The following TSTD2 variants were observed in gnomAD, a reference collection of about 807,000 sequenced individuals.
TSTD2 encodes the protein thiosulfate sulfurtransferase/rhodanese-like domain-containing protein 2.
Under a neutral mutation model 47.9 loss-of-function variants are expected in TSTD2, and 37 were observed. The ratio of observed to expected loss-of-function variants is 0.77; its 90% CI spans 0.59 to 1.02. The LOEUF (loss-of-function observed/expected upper bound fraction) is 1.02, where lower values mean the gene tolerates loss of function less well. Ranked by LOEUF, TSTD2 falls within the 50% of genes least tolerant of loss-of-function variation. The pLI is 0.00. For missense variants in TSTD2, 586 were observed against 616.0 expected, an observed-to-expected ratio of 0.95 and a Z score of 0.52; for synonymous variants, 201 against 215.9, an observed-to-expected ratio of 0.93 and a Z score of 0.61.
At chr9:97,604,332 T>A (rs1826328075) in intron 9 of TSTD2, 1 of 160,736 alleles carries the variant, frequency 6.2e-6, no homozygotes, top group Non-Finnish European at 1.4e-5. Flanking sequence ...TAGTGAGGTG[T>A]TATTGAAAAC....
At chr9:97,622,250 T>A (rs944131939) in intron 3 of TSTD2, among the ~76,000 whole-genome samples, 4 of 152,142 alleles carry the variant, frequency 2.6e-5, no homozygotes, top group Non-Finnish European at 5.9e-5. Flanking sequence ...AAGGGGCCAA[T>A]GTAGAATTCA....
rs1446884901 is a variant in TSTD2, at chr9:97,631,789, A to G, written c.-51+1454T>C. 3.3e-5 allele frequency among the ~76,000 whole-genome samples: 5 copies of G among 152,100 alleles called. No homozygotes were observed. In the East Asian group the frequency reaches 9.6e-4, roughly 29 times the overall value. On this transcript the variant is annotated intron_variant, in intron 1 of 9. Coordinates refer to ENST00000341170, the MANE Select transcript of TSTD2 (RefSeq NM_139246.5). ...AACCTAAAAGGCAGAGGTTACAACGAGCCAAGACCGTGCCACTGCACTCCA... is the reference window on the plus strand; with the variant it reads ...AACCTAAAAGGCAGAGGTTACAACGGGCCAAGACCGTGCCACTGCACTCCA...
At chr9:97,603,953 A>C (rs1351973768) in intron 9 of TSTD2, 1 of 152,250 alleles carries the variant, frequency 6.6e-6, no homozygotes, top group Non-Finnish European at 1.5e-5. Flanking sequence ...GGCCTCCAAA[A>C]GTGATGGGAT....
At chr9:97,624,208 A>T (rs2131316338) in intron 3 of TSTD2, among the ~76,000 whole-genome samples, 1 of 152,308 alleles carries the variant, frequency 6.6e-6, no homozygotes, top group Middle Eastern at 3.4e-3. Context: ...ATCAATAAAA[A>T]GTGATGGTAT....
chr9:97,600,686 T>C lies in TSTD2; in HGVS notation c.*1783A>G, dbSNP rs964917421. Reference sequence around the variant, plus strand: ...AATTGCTGCTGACCTTACGCCTGTATATTAAGCCTCCGCAGGATGCCGGAC... The same window carrying C: ...AATTGCTGCTGACCTTACGCCTGTACATTAAGCCTCCGCAGGATGCCGGAC... On this transcript the variant is annotated 3_prime_UTR_variant, in exon 10 of 10. Coordinates refer to ENST00000341170, the MANE Select transcript of TSTD2 (RefSeq NM_139246.5). The C allele has an allele frequency of 3.0e-6, 3 of 1,001,646 alleles. No homozygotes were observed. The highest frequency in any genetic ancestry group is 1.7e-5 in the African/African-American group (1 of 57,474). The allele number at this position is 1,001,646 out of a possible 1,614,324, so 62.0% of individuals were successfully genotyped here.
At chr9:97,632,562 T>TC (rs60761320) in intron 1 of TSTD2, among the ~76,000 whole-genome samples, 16 of 151,360 alleles carry the variant, frequency 1.1e-4, no homozygotes, top group Non-Finnish European at 1.9e-4. Flanking sequence ...TTTTTTTTTT[T>TC]CCTGTAAAGA....
At chr9:97,613,045 CCA>C (rs1299206315) in intron 4 of TSTD2, among the ~76,000 whole-genome samples, 1 of 152,204 alleles carries the variant, frequency 6.6e-6, no homozygotes, top group Non-Finnish European at 1.5e-5. Flanking sequence ...ACAGAGTCCT[CCA>C]CAGAGGTCAG....
intron 1 of TSTD2, among the ~76,000 whole-genome samples, 163 bp from the exon 2 acceptor site, chr9:97,627,775 A>G (rs1183158805): frequency 1.3e-5 from 2 of 152,266 alleles, no homozygotes; most frequent in African/African-American, 4.8e-5. Flanking sequence ...CTCGAAGTCA[A>G]GCACTATTCT....
At chr9:97,610,948 C>CA in intron 5 of TSTD2, 1 of 152,602 alleles carries the variant, frequency 6.6e-6, no homozygotes, top group East Asian at 1.9e-4. Context: ...GGCTGGTGGT[C>CA]TCTCAAGTGA....
At chr9:97,610,951 TC>T in intron 5 of TSTD2, 1 of 152,698 alleles carries the variant, frequency 6.5e-6, no homozygotes, top group East Asian at 1.9e-4. Flanking sequence ...TGGTGGTCTC[TC>T]AAGTGAGCTA....
Position 97,627,456 on chromosome 9 carries a change from C to T in TSTD2, c.107G>A (p.Ser36Asn). Residue 36 changes from serine (S) to asparagine (N), a missense_variant, in exon 2 of 10, where the codon AGT (serine) becomes AAT (asparagine). By Grantham distance (46) the Ser-to-Asn change is conservative. Transcript: ENST00000341170. ...KDMSLINPSS[S>N]LKAELDGSTK... ...ACTGCCATCTAATTCTGCTTTAAGA[C>T]TGCTGCTGGGATTAATAAGACTCAT... 1 of 1,613,000 alleles carries T rather than the reference C, an allele frequency of 6.2e-7. No homozygotes were observed. Among genetic ancestry groups the T allele is most frequent in the Non-Finnish European group, 8.5e-7 (1 of 1,179,316 alleles).
chr9:97,608,457 G>A (rs1348324332), intron 6 of TSTD2, among the ~76,000 whole-genome samples: 1 of 151,878 alleles, frequency 6.6e-6, no homozygotes, highest in Non-Finnish European at 1.5e-5. Context: ...CCAGTGTGGC[G>A]AAACCCCATC....
chr9:97,602,453 A>G lies in TSTD2; in HGVS notation c.*16T>C. The stretch of plus-strand genomic sequence containing the variant: ...CTACTTTTACCGAGGGCCTGGGAAA[A>G]TGCCAAAGGTGCTGCTCACATAAGC... On this transcript the variant is annotated 3_prime_UTR_variant, in exon 10 of 10. Transcript: ENST00000341170. The G allele has an allele frequency of 6.4e-7, 1 of 1,569,532 alleles. No individual in the cohort carries two copies. Among genetic ancestry groups the G allele is most frequent in the East Asian group, 2.3e-5 (1 of 44,210 alleles).
At chr9:97,621,930 C>T (rs1826644691) in intron 3 of TSTD2, among the ~76,000 whole-genome samples, 1 of 152,024 alleles carries the variant, frequency 6.6e-6, no homozygotes, top group Non-Finnish European at 1.5e-5. Flanking sequence ...TTTTTGAAAT[C>T]CCTAATAAAA....
intron 4 of TSTD2, among the ~76,000 whole-genome samples, chr9:97,614,128 CT>C (rs1433569201): frequency 6.6e-6 from 1 of 152,130 alleles, no homozygotes; most frequent in Non-Finnish European, 1.5e-5. Flanking sequence ...GCACCCAGCC[CT>C]ACCTGATCAA....
chr9:97,612,061 G>T (rs1318483924), intron 4 of TSTD2, among the ~76,000 whole-genome samples: 1 of 152,050 alleles, frequency 6.6e-6, no homozygotes, highest in African/African-American at 2.4e-5. Flanking sequence ...TCCCCTCTAT[G>T]TGTCCACGTT....
intron 3 of TSTD2, among the ~76,000 whole-genome samples, chr9:97,620,771 A>G (rs1319907614): frequency 6.6e-6 from 1 of 152,196 alleles, no homozygotes; most frequent in Non-Finnish European, 1.5e-5. Flanking sequence ...TGAACTTGAG[A>G]GAGACGATTT....
rs1001460427 is a variant in TSTD2, at chr9:97,601,764, T to A, written c.*705A>T. 1.6e-5 allele frequency: 3 copies of A among 186,242 alleles called. No homozygotes were observed. The highest frequency in any genetic ancestry group is 6.5e-5 in the Admixed American group (1 of 15,344). 11.5% of individuals were successfully genotyped at this position (186,242 alleles called of 1,614,324 possible). On this transcript the variant is annotated 3_prime_UTR_variant, in exon 10 of 10. Transcript: ENST00000341170. ...TTGAACAATATGGGTTTGAACTGCA[T>A]GGCTGCACTTATATATGGATTTTTT... is the stretch of plus-strand genomic sequence containing the variant.
intron 1 of TSTD2, among the ~76,000 whole-genome samples, chr9:97,632,681 C>T (rs1461501838): frequency 6.6e-6 from 1 of 152,184 alleles, no homozygotes; most frequent in Non-Finnish European, 1.5e-5. Context: ...CTACCCCGCC[C>T]GGCCGTCATA....
Sources: allele counts gnomAD v4.1 joint callset (sites outside exome capture counted in the v4.1 genomes callset), GRCh38; gene constraint gnomAD v4.1.1; transcripts MANE v1.5; gene names NCBI Gene and HGNC (gene_info 2026-07-23, HGNC 2026-07-21).